Variants in ZBTB7C observed in about 807,000 individuals in gnomAD.
ZBTB7C encodes the protein zinc finger and BTB domain-containing protein 7C.
In ZBTB7C, 8 loss-of-function variants were observed where a neutral mutation model predicts 25.7. That is an observed-to-expected ratio of 0.31 (90% CI 0.18 to 0.56). The LOEUF is 0.56. ZBTB7C is among the 20% of genes least tolerant of loss of function. The pLI, the probability that ZBTB7C is intolerant of heterozygous loss-of-function variation, is 0.91. For missense variants in ZBTB7C, 824 were observed against 855.2 expected, an observed-to-expected ratio of 0.96 and a Z score of 0.46; for synonymous variants, 394 against 369.0, an observed-to-expected ratio of 1.07 and a Z score of -0.78.
intron 2 of ZBTB7C, among the ~76,000 whole-genome samples, chr18:48,229,036 T>A (rs1163612614): frequency 6.6e-6 from 1 of 151,684 alleles, no homozygotes; most frequent in Admixed American, 6.6e-5. Flanking sequence ...ACAGCCGGGG[T>A]CATGGGAAGG....
intron 2 of ZBTB7C, among the ~76,000 whole-genome samples, chr18:48,298,438 A>AGTGCTATACC (rs1379790233): frequency 4.6e-5 from 7 of 152,034 alleles, no homozygotes; most frequent in Non-Finnish European, 8.8e-5. Flanking sequence ...GAGGCCATCT[A>AGTGCTATACC]GTGCTATACC....
intron 1 of ZBTB7C, among the ~76,000 whole-genome samples, chr18:48,339,862 A>G (rs1429710027): frequency 2.0e-5 from 3 of 152,194 alleles, no homozygotes; most frequent in Non-Finnish European, 4.4e-5. Flanking sequence ...TCAGGCACAA[A>G]GAAATTGGCT....
chr18:48,365,292 T>G (rs1376040362), intron 1 of ZBTB7C, among the ~76,000 whole-genome samples: 1 of 152,248 alleles, frequency 6.6e-6, no homozygotes, highest in African/African-American at 2.4e-5. Flanking sequence ...GTATATACAC[T>G]GGCAATTTTG....
chr18:48,215,187 A>G (rs2042793554), intron 2 of ZBTB7C, among the ~76,000 whole-genome samples: 1 of 152,254 alleles, frequency 6.6e-6, no homozygotes, highest in Non-Finnish European at 1.5e-5. Context: ...TGACATTAGC[A>G]GAACCTTAGA....
At chr18:48,228,747 T>TCACACA (rs55895960) in intron 2 of ZBTB7C, among the ~76,000 whole-genome samples, 4,918 of 141,090 alleles carry the variant, frequency 0.035, 251 homozygotes, top group African/African-American at 0.11. Flanking sequence ...TCTCTCTCTC[T>TCACACA]CACACACACA....
At chr18:48,276,434 A>G (rs1462198130) in intron 2 of ZBTB7C, among the ~76,000 whole-genome samples, 6 of 131,218 alleles carry the variant, frequency 4.6e-5, no homozygotes, top group East Asian at 2.5e-4. Context: ...ATATCTCCCA[A>G]TGCTATCCCT....
At chr18:48,073,239 G>T (rs2037621700) in intron 3 of ZBTB7C, among the ~76,000 whole-genome samples, 1 of 152,146 alleles carries the variant, frequency 6.6e-6, no homozygotes, top group Admixed American at 6.5e-5. Flanking sequence ...ACCACAGGGG[G>T]TGTGCAGATT....
At chr18:48,269,730 C>T (rs1381574607) in intron 2 of ZBTB7C, among the ~76,000 whole-genome samples, 2 of 152,172 alleles carry the variant, frequency 1.3e-5, no homozygotes, top group African/African-American at 2.4e-5. Flanking sequence ...TCAGGAGACT[C>T]CTGGGAGCTG....
intron 3 of ZBTB7C, chr18:48,185,276 C>A: frequency 4.7e-6 from 2 of 429,416 alleles, no homozygotes; most frequent in Non-Finnish European, 9.2e-6. Context: ...CATTTCCCAT[C>A]CCCAGCATTT....
At chr18:48,253,237 C>T (rs2043920965) in intron 2 of ZBTB7C, among the ~76,000 whole-genome samples, 1 of 151,822 alleles carries the variant, frequency 6.6e-6, no homozygotes, top group Non-Finnish European at 1.5e-5. Context: ...GAAAAAAAAT[C>T]CCTCCTGTGC....
At chr18:48,229,052 G>A (rs1421900739) in intron 2 of ZBTB7C, among the ~76,000 whole-genome samples, 2 of 152,060 alleles carry the variant, frequency 1.3e-5, no homozygotes, top group South Asian at 2.1e-4. Flanking sequence ...GAAGGGAGGC[G>A]GAAAAACAAG....
chr18:48,382,277 T>C lies in ZBTB7C; in HGVS notation c.-304+26949A>G, dbSNP rs557488619. Among the ~76,000 whole-genome samples, 4 of 152,288 alleles carry C rather than the reference T, an allele frequency of 2.6e-5. No homozygotes were observed. The South Asian group carries it at 6.2e-4, about 24-fold the overall frequency. ...AATGGAAAAGAGTAGCTTCTGAAGATGGAGATAGGCTAGGAAAGCAGGGGA... is the reference window on the plus strand; with the variant it reads ...AATGGAAAAGAGTAGCTTCTGAAGACGGAGATAGGCTAGGAAAGCAGGGGA... On this transcript the variant is annotated intron_variant, in intron 1 of 4. Coordinates refer to ENST00000590800, the MANE Select transcript of ZBTB7C (RefSeq NM_001318841.2).
chr18:48,032,422 G>GTTTTTTTTTTTTT (rs71165309), intron 4 of ZBTB7C, among the ~76,000 whole-genome samples: 1 of 65,096 alleles, frequency 1.5e-5, no homozygotes, highest in African/African-American at 6.3e-5. Flanking sequence ...GACAAGGTAG[G>GTTTTTTTTTTTTT]TTTTTTTTTT....
intron 3 of ZBTB7C, among the ~76,000 whole-genome samples, chr18:48,146,990 G>T: frequency 6.6e-6 from 1 of 152,218 alleles, no homozygotes; most frequent in East Asian, 1.9e-4. Context: ...CTACACACCA[G>T]ATTACTTTGT....
At position 48,319,112 on chromosome 18, in the gene ZBTB7C, CTGTG is replaced by C. The variant is rs143825394; in HGVS notation, c.-79+19058_-79+19061del. ...ATTCATGAACGATGCCAGAATGCCT[CTGTG>C]TGTGTGTGTGTGTGTGTGTGTGTGT... On this transcript the variant is annotated intron_variant, in intron 2 of 4. Transcript: ENST00000590800. 3.7e-3 allele frequency among the ~76,000 whole-genome samples: 547 copies of C among 147,452 alleles called. 3 individuals are homozygous for C. Among genetic ancestry groups the C allele is most frequent in the Non-Finnish European group, 5.8e-3 (390 of 66,826 alleles).
chr18:48,350,014 C>T (rs573766977), intron 1 of ZBTB7C, among the ~76,000 whole-genome samples: 9 of 152,326 alleles, frequency 5.9e-5, no homozygotes, highest in East Asian at 5.8e-4. Context: ...GAAATGAGTG[C>T]GTTTCCTCAG....
At chr18:48,322,148 G>A (rs1168189136) in intron 2 of ZBTB7C, among the ~76,000 whole-genome samples, 3 of 152,154 alleles carry the variant, frequency 2.0e-5, no homozygotes, top group Non-Finnish European at 2.9e-5. Flanking sequence ...AGAGACGATG[G>A]CCTTCATCAG....
chr18:48,291,928 T>G (rs2045241416), intron 2 of ZBTB7C, among the ~76,000 whole-genome samples: 1 of 152,188 alleles, frequency 6.6e-6, no homozygotes, highest in South Asian at 2.1e-4. Context: ...CCGGGCGTGG[T>G]GGCTCACACC....
At chr18:48,177,727 C>T (rs1197629540) in intron 3 of ZBTB7C, among the ~76,000 whole-genome samples, 1 of 152,086 alleles carries the variant, frequency 6.6e-6, no homozygotes, top group Non-Finnish European at 1.5e-5. Context: ...CTGTTGTCTT[C>T]CACTTGTCCC....
Sources: gnomAD v4.1 joint callset for allele counts (sites outside exome capture counted in the v4.1 genomes callset) on GRCh38, gnomAD v4.1.1 for gene constraint, MANE v1.5 for transcripts, NCBI Gene and HGNC (gene_info 2026-07-23, HGNC 2026-07-21) for gene names.